SOBP: variants seen among roughly 807,000 people sequenced by gnomAD.
The protein encoded by SOBP is sine oculis-binding protein homolog.
In SOBP, 4 loss-of-function variants were observed where a neutral mutation model predicts 53.6. The ratio of observed to expected loss-of-function variants is 0.07; its 90% confidence interval spans 0.04 to 0.17. The LOEUF (loss-of-function observed/expected upper bound fraction) is 0.17. Ranked by LOEUF, SOBP falls within the 10% of genes least tolerant of loss-of-function variation. SOBP has a pLI of 1.00. For synonymous variants in SOBP, 584 were observed against 522.6 expected (o/e 1.12, Z -1.60); for missense variants, 1,088 against 1,204.7 (o/e 0.90, Z 1.43).
chr6:107,638,876 G>A (rs1012077139), intron 6 of SOBP, among the ~76,000 whole-genome samples: 8 of 151,074 alleles, frequency 5.3e-5, no homozygotes, highest in Non-Finnish European at 1.2e-4. Flanking sequence ...TTTTCATACT[G>A]TAGTACTATT....
In SOBP at chr6:107,506,285, T is replaced by G; in HGVS notation, c.279T>G (p.Ile93Met). Reference sequence around the variant, plus strand: ...CAAAATTACCCGAGGACAGTGTTATTTCACCATACAATATAAGCACAGGCT... The same window carrying G: ...CAAAATTACCCGAGGACAGTGTTATGTCACCATACAATATAAGCACAGGCT... Reference protein sequence around the residue: ...PKPKLPEDSVISPYNISTGYS... With the variant: ...PKPKLPEDSVMSPYNISTGYS... Residue 93 changes from isoleucine to methionine, a missense_variant, in exon 3 of 7, where the codon ATT (isoleucine) becomes ATG (methionine). Transcript: ENST00000317357. 1 of 1,614,208 alleles carries G rather than the reference T, an allele frequency of 6.2e-7. No individual in the cohort carries two copies. Among genetic ancestry groups the G allele is most frequent in the Non-Finnish European group, 8.5e-7 (1 of 1,180,032 alleles).
chr6:107,500,418 CT>C (rs1015677489), intron 1 of SOBP, among the ~76,000 whole-genome samples: 46 of 151,062 alleles, frequency 3.0e-4, no homozygotes, highest in African/African-American at 9.2e-4. Flanking sequence ...GAATATGTTT[CT>C]TGGATGATAA....
At chr6:107,530,758 A>T (rs962896268) in intron 3 of SOBP, among the ~76,000 whole-genome samples, 2 of 152,182 alleles carry the variant, frequency 1.3e-5, no homozygotes, top group African/African-American at 4.8e-5. Flanking sequence ...CTTATTTAAC[A>T]AGGCAGATGC....
chr6:107,525,530 C>G (rs1229746552), intron 3 of SOBP, among the ~76,000 whole-genome samples: 1 of 152,180 alleles, frequency 6.6e-6, no homozygotes, highest in African/African-American at 2.4e-5. Context: ...CTGGAGTCAC[C>G]TTCCCCAAGA....
intron 1 of SOBP, among the ~76,000 whole-genome samples, chr6:107,500,577 A>G (rs1313126467): frequency 6.6e-6 from 1 of 151,542 alleles, no homozygotes; most frequent in Non-Finnish European, 1.5e-5. Context: ...GCTGGAGTGC[A>G]GTGGCGCGAT....
intron 5 of SOBP, among the ~76,000 whole-genome samples, chr6:107,589,029 TC>T (rs1785661078): frequency 6.6e-6 from 1 of 152,226 alleles, no homozygotes; most frequent in African/African-American, 2.4e-5. Context: ...AAGTTATGCT[TC>T]TATATGAAAG....
At chr6:107,599,594 A>G (rs1322714644) in intron 5 of SOBP, among the ~76,000 whole-genome samples, 2 of 145,598 alleles carry the variant, frequency 1.4e-5, no homozygotes, top group Non-Finnish European at 3.0e-5. Flanking sequence ...TTGGATTAAC[A>G]TAAGATGATT....
Position 107,635,078 on chromosome 6 carries a change from C to A in SOBP, c.2234C>A (p.Pro745Gln), listed in dbSNP as rs757634793. Residue 745 changes from proline (P) to glutamine (Q), a missense_variant, in exon 6 of 7, where the codon CCG (proline) becomes CAG (glutamine). By Grantham distance (76) the Pro-to-Gln change is moderately conservative. Around this residue, in one of 6 missense-constraint regions of SOBP, gnomAD observed 665 missense variants for 629.7 expected, o/e 1.06. Coordinates refer to ENST00000317357, the MANE Select transcript of SOBP (RefSeq NM_018013.4). This position sits in a 1 kb window ranked among gnomAD's most constrained non-coding sequence, Gnocchi z 4.5. ...AGCGCGGAGCCGCCTCCCGAGCAGC[C>A]GCCGCCGCCGCCGCCGCCCGCGCCC... is the stretch of plus-strand genomic sequence containing the variant. ...AKSAEPPPEQ[P>Q]PPPPPPAPPK... The A allele has an allele frequency of 1.6e-5, 23 of 1,442,422 alleles. No homozygotes were observed. The Middle Eastern group carries it at 1.3e-3, about 81-fold the overall frequency. The allele number at this position is 1,442,422 out of a possible 1,614,324, so 89.4% of individuals were successfully genotyped here. A position where few individuals can be genotyped will look rare whatever the true frequency, so the allele number is the denominator to read the frequency against.
In SOBP at chr6:107,634,409, C is replaced by A; in HGVS notation, c.1565C>A (p.Thr522Asn). 6.2e-7 allele frequency: 1 copy of A among 1,604,102 alleles called. No homozygotes were observed. The highest frequency in any genetic ancestry group is 8.5e-7 in the Non-Finnish European group (1 of 1,179,616). Residue 522 changes from threonine (T) to asparagine (N), a missense_variant, in exon 6 of 7, where the codon ACC becomes AAC. Transcript: ENST00000317357. This position sits in a 1 kb window ranked among gnomAD's most constrained non-coding sequence, Gnocchi z 4.5. The stretch of plus-strand genomic sequence containing the variant: ...CTTGCCCCGCTGGTGCCGCCCCCGA[C>A]CCTGCTCGTGCCGTACCCCGTGATC... Reference protein sequence around the residue: ...PSLAPLVPPPTLLVPYPVIVP... With the variant: ...PSLAPLVPPPNLLVPYPVIVP...
intron 2 of SOBP, among the ~76,000 whole-genome samples, chr6:107,505,671 G>T (rs950891354): frequency 2.0e-5 from 3 of 151,802 alleles, no homozygotes; most frequent in Admixed American, 2.0e-4. Flanking sequence ...TGTTTTTTGA[G>T]ATGGAGTCTT....
At chr6:107,583,325 T>C (rs1460405320) in intron 4 of SOBP, among the ~76,000 whole-genome samples, 2 of 152,144 alleles carry the variant, frequency 1.3e-5, no homozygotes, top group Non-Finnish European at 2.9e-5. Context: ...ATCACACCAG[T>C]AATTCCAAGG....
chr6:107,624,384 A>G (rs1409385227), intron 5 of SOBP, among the ~76,000 whole-genome samples: 2 of 152,186 alleles, frequency 1.3e-5, no homozygotes, highest in Admixed American at 6.5e-5. Flanking sequence ...GGCCCTGGGA[A>G]CTTGTGCCCT....
chr6:107,644,598 A>G (rs1771476385), intron 6 of SOBP, among the ~76,000 whole-genome samples: 1 of 152,188 alleles, frequency 6.6e-6, no homozygotes, highest in South Asian at 2.1e-4. Context: ...AAGTGATCAC[A>G]GGCCCCTGGG....
At chr6:107,514,740 T>A (rs978133618) in intron 3 of SOBP, 1 of 152,242 alleles carries the variant, frequency 6.6e-6, no homozygotes, top group Non-Finnish European at 1.5e-5. Flanking sequence ...TTAGCTTACA[T>A]GATCTGTTAT....
intron 4 of SOBP, among the ~76,000 whole-genome samples, chr6:107,536,937 T>G (rs915019607): frequency 6.6e-6 from 1 of 152,234 alleles, no homozygotes; most frequent in Non-Finnish European, 1.5e-5. Flanking sequence ...AAAATACTTA[T>G]GTAGTCTGTG....
intron 1 of SOBP, among the ~76,000 whole-genome samples, chr6:107,495,617 T>A (rs1343148449): frequency 1.3e-5 from 2 of 152,108 alleles, no homozygotes; most frequent in Non-Finnish European, 2.9e-5. Context: ...AGCCAAGCCC[T>A]ACTCTCCTTG....
chr6:107,537,146 C>A (rs963166521), intron 4 of SOBP, among the ~76,000 whole-genome samples: 3 of 152,174 alleles, frequency 2.0e-5, no homozygotes, highest in Non-Finnish European at 4.4e-5. Flanking sequence ...GTCCAACTTG[C>A]TAACACCAGT....
At chr6:107,512,763 G>A (rs1341111827) in intron 3 of SOBP, among the ~76,000 whole-genome samples, 1 of 152,114 alleles carries the variant, frequency 6.6e-6, no homozygotes, top group Non-Finnish European at 1.5e-5. Flanking sequence ...AACTATTAGT[G>A]TGATTGTTTT....
rs138193269 is a variant in SOBP, at chr6:107,561,308, T to C, written c.574-25772T>C. On this transcript the variant is annotated intron_variant, in intron 4 of 6. Transcript: ENST00000317357. ...AATTAAAAAAAAAATCCAAGCTAAA[T>C]ATTTCATCATTCTCTGGAGAAAAAT... 4.2e-3 allele frequency among the ~76,000 whole-genome samples: 635 copies of C among 152,266 alleles called. 2 individuals carry two copies. Among genetic ancestry groups the C allele is most frequent in the Non-Finnish European group, 6.9e-3 (472 of 68,028 alleles).
Sources: allele counts gnomAD v4.1 joint callset (sites outside exome capture counted in the v4.1 genomes callset), GRCh38; gene constraint gnomAD v4.1.1; regional missense constraint gnomAD v4.1.1; non-coding constraint Gnocchi (gnomAD v3.1); transcripts MANE v1.5; gene names NCBI Gene and HGNC (gene_info 2026-07-23, HGNC 2026-07-21).